The following AUH variants were observed in gnomAD, a reference collection of about 807,000 sequenced individuals.
AUH encodes methylglutaconyl-CoA hydratase, mitochondrial.
AUH carries 29 observed loss-of-function variants against 42.3 expected under a neutral mutation model. The ratio of observed to expected loss-of-function variants is 0.69; its 90% CI spans 0.51 to 0.93. AUH has a LOEUF of 0.93. AUH is among the 40% of genes least tolerant of loss of function. AUH has a pLI of 0.00. For missense variants in AUH, 452 were observed against 438.1 expected, an observed-to-expected ratio of 1.03 and a Z score of -0.28; for synonymous variants, 174 against 166.4, an observed-to-expected ratio of 1.05 and a Z score of -0.35.
rs376565781 is a variant in AUH, at chr9:91,264,768, AAG to A, written c.655+31251_655+31252del. 5.8e-4 allele frequency among the ~76,000 whole-genome samples: 89 copies of A among 152,316 alleles called. 1 individual carries two copies. The highest frequency in any genetic ancestry group is 2.0e-3 in the African/African-American group (85 of 41,578). ...TGGGATCCTATCTCTAAAAAGCAAA[AAG>A]AGGTATTTGGGAAGCTAACTTTTCT... On this transcript the variant is annotated intron_variant, in intron 6 of 9. Coordinates refer to ENST00000375731, the MANE Select transcript of AUH (RefSeq NM_001698.3).
chr9:91,256,002 ATTAAAT>A (rs61498372), intron 6 of AUH, among the ~76,000 whole-genome samples: 3,769 of 152,230 alleles, frequency 0.025, 78 homozygotes, highest in East Asian at 0.058. Context: ...ATTAAATATA[ATTAAAT>A]TTAAATAATG....
chr9:91,352,935 T>C (rs751132941), intron 3 of AUH, among the ~76,000 whole-genome samples: 1 of 152,164 alleles, frequency 6.6e-6, no homozygotes, highest in Non-Finnish European at 1.5e-5. Context: ...AAGCTTTAAA[T>C]ATTTAGAAAT....
At chr9:91,340,095 T>C (rs1052215289) in intron 3 of AUH, among the ~76,000 whole-genome samples, 3 of 152,142 alleles carry the variant, frequency 2.0e-5, no homozygotes, top group African/African-American at 7.2e-5. Context: ...CAGGGAGCTA[T>C]GAAATGAACA....
At chr9:91,268,874 A>G (rs779798665) in intron 6 of AUH, among the ~76,000 whole-genome samples, 2 of 152,222 alleles carry the variant, frequency 1.3e-5, no homozygotes, top group African/African-American at 2.4e-5. Context: ...TGCATAATAC[A>G]ATATCTAAGC....
At chr9:91,329,704 T>C (rs766751254) in intron 3 of AUH, among the ~76,000 whole-genome samples, 8 of 152,232 alleles carry the variant, frequency 5.3e-5, no homozygotes, top group Non-Finnish European at 7.3e-5. Flanking sequence ...TTCACTTTCT[T>C]GGTGATTTTT....
At chr9:91,269,029 G>A (rs914190512) in intron 6 of AUH, among the ~76,000 whole-genome samples, 2 of 151,682 alleles carry the variant, frequency 1.3e-5, no homozygotes, top group Non-Finnish European at 1.5e-5. Flanking sequence ...CACCCAGGCT[G>A]GAGCACAGTG....
intron 4 of AUH, 92 bp downstream of exon 4, chr9:91,325,222 ATATT>A: frequency 1.1e-6 from 1 of 950,846 alleles, no homozygotes; most frequent in Non-Finnish European, 1.7e-6. Context: ...AATTATATAA[ATATT>A]TAACCAATGC....
intron 4 of AUH, among the ~76,000 whole-genome samples, chr9:91,317,511 A>C (rs973301869): frequency 6.6e-6 from 1 of 152,106 alleles, no homozygotes; most frequent in African/African-American, 2.4e-5. Flanking sequence ...CTGAATATGG[A>C]TCTCATTTCC....
At chr9:91,314,376 G>A (rs762675083) in intron 4 of AUH, among the ~76,000 whole-genome samples, 21 of 151,300 alleles carry the variant, frequency 1.4e-4, no homozygotes, top group Admixed American at 2.0e-4. Context: ...CCTGCTACTC[G>A]GGAGGCTGAG....
chr9:91,236,943 C>A (rs544413086), intron 6 of AUH, among the ~76,000 whole-genome samples: 34 of 152,180 alleles, frequency 2.2e-4, no homozygotes, highest in Admixed American at 4.6e-4. Flanking sequence ...GGAAAAAAAA[C>A]CCCATAAACT....
Position 91,250,898 on chromosome 9 carries a change from C to T in AUH, c.656-29906G>A, listed in dbSNP as rs2131385499. Reference sequence around the variant, plus strand: ...TACAGATTTCTGCTCTAGAGGACTTCTAATATTACACATCAGCACATCCCC... The same window carrying T: ...TACAGATTTCTGCTCTAGAGGACTTTTAATATTACACATCAGCACATCCCC... On this transcript the variant is annotated intron_variant, in intron 6 of 9. Transcript: ENST00000375731. 2.0e-5 allele frequency among the ~76,000 whole-genome samples: 3 copies of T among 152,270 alleles called. 1 individual carries two copies. The Middle Eastern group carries it at 0.01, about 518-fold the overall frequency.
chr9:91,274,842 A>T (rs1825420396), intron 6 of AUH, among the ~76,000 whole-genome samples: 1 of 152,206 alleles, frequency 6.6e-6, no homozygotes, highest in South Asian at 2.1e-4. Context: ...CAATTTTGCT[A>T]AAGAAGGCTA....
At chr9:91,231,780 C>T (rs1402055382) in intron 6 of AUH, among the ~76,000 whole-genome samples, 1 of 152,160 alleles carries the variant, frequency 6.6e-6, no homozygotes, top group African/African-American at 2.4e-5. Flanking sequence ...AGGATCTGCT[C>T]TGAGGCTCCC....
chr9:91,259,609 C>A (rs561762790), intron 6 of AUH, among the ~76,000 whole-genome samples: 28 of 152,192 alleles, frequency 1.8e-4, no homozygotes, highest in African/African-American at 6.7e-4. Context: ...TTATCTACAT[C>A]CCACAAAATT....
chr9:91,303,294 C>A (rs1313526662), intron 4 of AUH, among the ~76,000 whole-genome samples: 4 of 151,848 alleles, frequency 2.6e-5, no homozygotes, highest in Non-Finnish European at 5.9e-5. Context: ...AAAATATGAA[C>A]AATTTGATTA....
intron 6 of AUH, among the ~76,000 whole-genome samples, chr9:91,277,399 A>G (rs186073917): frequency 6.6e-6 from 1 of 152,328 alleles, no homozygotes; most frequent in Admixed American, 6.5e-5. Context: ...CAACATTTCA[A>G]GAGAGTTCCT....
intron 6 of AUH, among the ~76,000 whole-genome samples, chr9:91,289,851 C>T (rs755180749): frequency 3.0e-4 from 45 of 152,156 alleles, no homozygotes; most frequent in Non-Finnish European, 3.1e-4. Context: ...AACACAAAAA[C>T]GTATTTTTAA....
chr9:91,286,739 T>A (rs937121488), intron 6 of AUH, among the ~76,000 whole-genome samples: 3 of 142,366 alleles, frequency 2.1e-5, no homozygotes, highest in South Asian at 2.3e-4. Context: ...AAAAAAAAAA[T>A]CTATCTATCT....
At chr9:91,247,905 T>C (rs932115810) in intron 6 of AUH, among the ~76,000 whole-genome samples, 1 of 152,258 alleles carries the variant, frequency 6.6e-6, no homozygotes, top group Non-Finnish European at 1.5e-5. Context: ...TCTACAAATT[T>C]TGGATACAAG....
Sources: gnomAD v4.1 joint callset for allele counts (sites outside exome capture counted in the v4.1 genomes callset) on GRCh38, gnomAD v4.1.1 for gene constraint, MANE v1.5 for transcripts, NCBI Gene and HGNC (gene_info 2026-07-23, HGNC 2026-07-21) for gene names.